Variants in SMYD3 observed in about 807,000 individuals in gnomAD.
SMYD3 encodes SET and MYND domain containing 3.
SMYD3 carries 36 observed loss-of-function variants against 57.7 expected under a neutral mutation model. That is an observed-to-expected ratio of 0.62 (90% CI 0.48 to 0.82). The LOEUF (loss-of-function observed/expected upper bound fraction) is 0.82, where lower values mean the gene tolerates loss of function less well. Among genes scored for constraint, SMYD3 ranks in the 40% least tolerant of loss-of-function variants. The probability of loss-of-function intolerance (pLI) is 0.00; values close to 1 mark genes in which losing one functional copy is unlikely to be tolerated. For synonymous variants in SMYD3, 211 were observed against 195.0 expected (o/e 1.08, Z -0.68); for missense variants, 515 against 538.8 (o/e 0.96, Z 0.44).
At position 246,282,045 on chromosome 1, in the gene SMYD3, T is replaced by C. The variant is rs901939980; in HGVS notation, c.531+45156A>G. Among the ~76,000 whole-genome samples, 4 of 152,066 alleles carry C rather than the reference T, an allele frequency of 2.6e-5. 1 individual carries two copies. Among genetic ancestry groups the C allele is most frequent in the East Asian group, 3.8e-4 (2 of 5,202 alleles). The stretch of plus-strand genomic sequence containing the variant: ...CTACAAGACCAAATGATGTGAAAAA[T>C]AGTTCTGCAAGACGGGGACTATGTG... On this transcript the variant is annotated intron_variant, in intron 5 of 11. Transcript: ENST00000490107.
At chr1:245,945,429 C>T (rs969806748) in intron 5 of SMYD3, among the ~76,000 whole-genome samples, 1 of 152,128 alleles carries the variant, frequency 6.6e-6, no homozygotes, top group Non-Finnish European at 1.5e-5. Flanking sequence ...CAATGAGAAT[C>T]TCACCCACTC....
chr1:245,749,539 G>A lies in SMYD3; in HGVS notation c.*24C>T, dbSNP rs373818335. Reference sequence around the variant, plus strand: ...AAGGCATTCAACAAAGACACACGCCGTATTTCCCTCTGACTGCGTTCCCTT... The same window carrying A: ...AAGGCATTCAACAAAGACACACGCCATATTTCCCTCTGACTGCGTTCCCTT... On this transcript the variant is annotated 3_prime_UTR_variant, in exon 12 of 12. Coordinates refer to ENST00000490107, the MANE Select transcript of SMYD3 (RefSeq NM_001167740.2). The A allele has an allele frequency of 2.7e-4, 425 of 1,579,664 alleles. 3 individuals are homozygous for A. The highest frequency in any genetic ancestry group is 1.6e-4 in the East Asian group (7 of 44,742).
intron 8 of SMYD3, among the ~76,000 whole-genome samples, chr1:245,904,672 G>A (rs147166197): frequency 3.9e-4 from 60 of 152,214 alleles, no homozygotes; most frequent in East Asian, 2.3e-3. Flanking sequence ...AGGCCATAAC[G>A]ACTGCAACTC....
rs914944899 is a variant in SMYD3, at chr1:246,046,641, A to T, written c.532-116704T>A. ...AAATGCAATAAAATATATATATATA[A>T]AATATATATATTTTATATATTTTTT... On this transcript the variant is annotated intron_variant, in intron 5 of 11. Transcript: ENST00000490107. 1.6e-4 allele frequency among the ~76,000 whole-genome samples: 24 copies of T among 147,762 alleles called. 1 individual carries two copies. In the East Asian group the frequency reaches 2.3e-3, roughly 14 times the overall value.
intron 10 of SMYD3, 76 bp downstream of exon 10, chr1:245,858,420 T>C: frequency 7.0e-7 from 1 of 1,421,784 alleles, no homozygotes; most frequent in Non-Finnish European, 9.5e-7. Context: ...GTAATCAGAA[T>C]GACTTCACAA....
At chr1:246,096,373 CCT>C (rs1420912514) in intron 5 of SMYD3, 1 of 152,176 alleles carries the variant, frequency 6.6e-6, no homozygotes, top group Non-Finnish European at 1.5e-5. Context: ...GCTCGCAGAA[CCT>C]CTGTGTAGAC....
At position 245,867,686 on chromosome 1, in the gene SMYD3, ACACT is replaced by A. The variant is rs1441757614; in HGVS notation, c.814-3804_814-3801del. 5.9e-3 allele frequency among the ~76,000 whole-genome samples: 899 copies of A among 151,948 alleles called. 4 individuals are homozygous for A. The highest frequency in any genetic ancestry group is 0.017 in the Middle Eastern group (5 of 294). Reference sequence around the variant, plus strand: ...TGCGCGCGCACACACACACACACACACACTCACACACACATTTTGTTGGGAGAAA... The same window carrying A: ...TGCGCGCGCACACACACACACACACACACACACACATTTTGTTGGGAGAAA... On this transcript the variant is annotated intron_variant, in intron 8 of 11. Coordinates refer to ENST00000490107, the MANE Select transcript of SMYD3 (RefSeq NM_001167740.2).
chr1:246,472,853 CTTT>C (rs74163449), intron 1 of SMYD3, among the ~76,000 whole-genome samples: 35 of 102,916 alleles, frequency 3.4e-4, no homozygotes, highest in African/African-American at 9.8e-4. Context: ...TCTCAAATTT[CTTT>C]TTTTTTTTTT....
intron 11 of SMYD3, among the ~76,000 whole-genome samples, chr1:245,756,146 T>A (rs2045596127): frequency 6.7e-6 from 1 of 148,834 alleles, no homozygotes; most frequent in Non-Finnish European, 1.5e-5. Flanking sequence ...ATATAACTTG[T>A]ATATAATATA....
intron 1 of SMYD3, among the ~76,000 whole-genome samples, chr1:246,475,223 T>C (rs1237601767): frequency 6.6e-6 from 1 of 151,462 alleles, no homozygotes; most frequent in East Asian, 1.9e-4. Flanking sequence ...TCCCAGCTAC[T>C]TGGGAGACTG....
At chr1:245,987,274 T>TACCCAGAGGATATCTGC (rs1270229296) in intron 5 of SMYD3, among the ~76,000 whole-genome samples, 1 of 152,196 alleles carries the variant, frequency 6.6e-6, no homozygotes, top group Non-Finnish European at 1.5e-5. Flanking sequence ...AGACGTTTAA[T>TACCCAGAGGATATCTGC]ACCCAGAGGA....
chr1:245,858,591 C>T lies in SMYD3; in HGVS notation c.981G>A (p.Gln327=). The T allele has an allele frequency of 6.2e-7, 1 of 1,614,216 alleles. No individual in the cohort carries two copies. The highest frequency in any genetic ancestry group is 8.5e-7 in the Non-Finnish European group (1 of 1,180,038). Residue 327 remains glutamine, a synonymous_variant, in exon 10 of 12, where the codon CAG becomes CAA. Transcript: ENST00000490107. ...SERLPDINIY[Q]LKVLDCAMDA... The stretch of plus-strand genomic sequence containing the variant: ...CCATGGCGCAGTCGAGCACCTTCAG[C>T]TGGTAGATGTTGATATCGGGAAGCC...
chr1:245,973,556 A>G (rs550139205), intron 5 of SMYD3, among the ~76,000 whole-genome samples: 1 of 152,362 alleles, frequency 6.6e-6, no homozygotes, highest in South Asian at 2.1e-4. Flanking sequence ...GGGAAAAAGG[A>G]GAGGAACAAA....
intron 8 of SMYD3, among the ~76,000 whole-genome samples, chr1:245,904,262 G>A (rs567474697): frequency 2.6e-5 from 4 of 152,122 alleles, no homozygotes; most frequent in East Asian, 1.9e-4. Context: ...TTTGCTCTTC[G>A]TTTTCTCTCT....
rs189636051 is a variant in SMYD3, at chr1:246,412,347, A to G, written c.165-57253T>C. Among the ~76,000 whole-genome samples the G allele has an allele frequency of 1.5e-3, 225 of 152,330 alleles. 1 individual carries two copies. Among genetic ancestry groups the G allele is most frequent in the Middle Eastern group, 6.8e-3 (2 of 294 alleles). ...TTTCTTCCCTCTTGGCTTCTAATGA[A>G]GACAAAACTGCATTGCCTAATTATC... On this transcript the variant is annotated intron_variant, in intron 1 of 11. Transcript: ENST00000490107.
intron 6 of SMYD3, among the ~76,000 whole-genome samples, chr1:245,928,981 A>G (rs188748974): frequency 1.3e-5 from 2 of 152,322 alleles, no homozygotes; most frequent in East Asian, 3.9e-4. Flanking sequence ...ATGAGCACTT[A>G]CTATGTAGAA....
At chr1:246,138,661 G>A (rs1039615546) in intron 5 of SMYD3, among the ~76,000 whole-genome samples, 7 of 132,026 alleles carry the variant, frequency 5.3e-5, no homozygotes, top group East Asian at 1.9e-4. Flanking sequence ...TCCTGACCTC[G>A]TGATCCGCCC....
intron 10 of SMYD3, among the ~76,000 whole-genome samples, chr1:245,804,324 G>A (rs4298701): frequency 0.045 from 6,781 of 152,150 alleles, 534 homozygotes; most frequent in African/African-American, 0.16. Flanking sequence ...ATTCCCGGCC[G>A]GGCGCAGTGG....
intron 1 of SMYD3, among the ~76,000 whole-genome samples, chr1:246,361,203 C>T (rs938875705): frequency 5.3e-5 from 8 of 152,176 alleles, no homozygotes; most frequent in Non-Finnish European, 1.2e-4. Context: ...AAATGCTCAA[C>T]ATCACTAATT....
Sources: gnomAD v4.1 joint callset for allele counts (sites outside exome capture counted in the v4.1 genomes callset) on GRCh38, gnomAD v4.1.1 for gene constraint, MANE v1.5 for transcripts, NCBI Gene and HGNC (gene_info 2026-07-23, HGNC 2026-07-21) for gene names.